ATL2: variants seen among roughly 807,000 people sequenced by gnomAD.
The protein encoded by ATL2 is atlastin GTPase 2.
A neutral mutation model predicts 73.9 loss-of-function variants in ATL2; 31 were observed. The ratio of observed to expected loss-of-function variants is 0.42; its 90% CI spans 0.32 to 0.57. ATL2 has a LOEUF of 0.57. Among genes scored for constraint, ATL2 ranks in the 20% least tolerant of loss-of-function variants. The pLI is 0.14. For synonymous variants in ATL2, 291 were observed against 237.5 expected, an observed-to-expected ratio of 1.23 and a Z score of -2.07; for missense variants, 738 against 702.6, an observed-to-expected ratio of 1.05 and a Z score of -0.57.
chr2:38,376,074 T>C (rs1431280513), intron 1 of ATL2: 2 of 1,414,334 alleles, frequency 1.4e-6, no homozygotes, highest in East Asian at 5.1e-5. Flanking sequence ...CACGAGCTCG[T>C]ATCTGTATTT....
chr2:38,360,801 C>A (rs1485500114), intron 1 of ATL2, among the ~76,000 whole-genome samples: 1 of 151,960 alleles, frequency 6.6e-6, no homozygotes, highest in Non-Finnish European at 1.5e-5. Flanking sequence ...AATGAGAGTA[C>A]ACAATATTGA....
chr2:38,333,222 G>C (rs774967721), intron 2 of ATL2, among the ~76,000 whole-genome samples: 1 of 152,014 alleles, frequency 6.6e-6, no homozygotes, highest in Non-Finnish European at 1.5e-5. Flanking sequence ...CCAGGAGTTT[G>C]AGGCTTCAGT....
chr2:38,334,646 C>G (rs994435638), intron 2 of ATL2, among the ~76,000 whole-genome samples: 11 of 151,102 alleles, frequency 7.3e-5, no homozygotes, highest in Non-Finnish European at 1.0e-4. Flanking sequence ...TGCGGTGAGC[C>G]AAGATCGCGC....
At chr2:38,354,827 T>A (rs1466766577) in intron 1 of ATL2, among the ~76,000 whole-genome samples, 1 of 151,558 alleles carries the variant, frequency 6.6e-6, no homozygotes. Context: ...GAGGCGGAGG[T>A]TGCAGTGAGC....
chr2:38,300,971 C>CTTTTTTTTTTTT (rs1325860466), intron 9 of ATL2, among the ~76,000 whole-genome samples: 1 of 143,832 alleles, frequency 7.0e-6, no homozygotes, highest in African/African-American at 2.9e-5. Flanking sequence ...TTCATCTCAA[C>CTTTTTTTTTTTT]TTTCTTTTTT....
Position 38,294,649 on chromosome 2 carries a change from AAAAAG to A in ATL2, c.*1340_*1344del, listed in dbSNP as rs1003637742. Among the ~76,000 whole-genome samples the A allele has an allele frequency of 1.3e-5, 2 of 152,142 alleles. No homozygotes were observed. The highest frequency in any genetic ancestry group is 2.4e-5 in the African/African-American group (1 of 41,490). On this transcript the variant is annotated 3_prime_UTR_variant, in exon 13 of 13. Transcript: ENST00000378954. ...GCCTTACATATACCACCAAAAAAAA[AAAAAG>A]AGAGAGAAAGAAATTAACAATCCCC...
intron 9 of ATL2, among the ~76,000 whole-genome samples, chr2:38,302,883 T>A (rs753729846): frequency 2.0e-5 from 3 of 152,090 alleles, no homozygotes; most frequent in Non-Finnish European, 4.4e-5. Flanking sequence ...GCAAAGACTA[T>A]AACAAATACC....
chr2:38,307,421 C>G (rs1178672287), intron 9 of ATL2, among the ~76,000 whole-genome samples: 2 of 149,274 alleles, frequency 1.3e-5, no homozygotes, highest in African/African-American at 5.0e-5. Context: ...ATTGCTTGAA[C>G]CTGGGAGGCG....
In ATL2 at chr2:38,339,306, C is replaced by T. The variant is rs75072764; in HGVS notation, c.363+3962G>A. Among the ~76,000 whole-genome samples, 1,053 of 152,130 alleles carry T rather than the reference C, an allele frequency of 6.9e-3. 13 individuals carry two copies. Among genetic ancestry groups the T allele is most frequent in the East Asian group, 0.058 (302 of 5,178 alleles). ...AGACATGACAGCTAAATCTAGGAAT[C>T]GTATTCTGTATTAGAGATCCTGGAA... On this transcript the variant is annotated intron_variant, in intron 2 of 12. Transcript: ENST00000378954.
intron 2 of ATL2, among the ~76,000 whole-genome samples, chr2:38,341,076 A>C (rs1178675531): frequency 6.6e-6 from 1 of 152,160 alleles, no homozygotes; most frequent in Admixed American, 6.6e-5. Context: ...CCTGAGGTGA[A>C]ACTTATCTGT....
intron 1 of ATL2, among the ~76,000 whole-genome samples, chr2:38,360,342 G>A (rs1240636745): frequency 1.3e-5 from 2 of 151,144 alleles, no homozygotes; most frequent in East Asian, 1.9e-4. Context: ...CTGCAGTACA[G>A]TGGCACAATC....
At chr2:38,315,768 G>C (rs1389732786) in intron 4 of ATL2, among the ~76,000 whole-genome samples, 1 of 152,160 alleles carries the variant, frequency 6.6e-6, no homozygotes, top group East Asian at 1.9e-4. Flanking sequence ...GGTACAATCA[G>C]AGTATACAGT....
chr2:38,364,315 C>T (rs1391394397), intron 1 of ATL2, among the ~76,000 whole-genome samples: 1 of 152,124 alleles, frequency 6.6e-6, no homozygotes, highest in Non-Finnish European at 1.5e-5. Context: ...GAATGTTGGA[C>T]ATCAACCCTG....
intron 1 of ATL2, chr2:38,376,332 C>A: frequency 9.1e-7 from 1 of 1,094,678 alleles, no homozygotes; most frequent in Non-Finnish European, 1.2e-6. Context: ...GCTCCTGGTA[C>A]ACGTACAGTA....
intron 2 of ATL2, among the ~76,000 whole-genome samples, chr2:38,336,344 A>G (rs1056076892): frequency 6.6e-6 from 1 of 152,230 alleles, no homozygotes; most frequent in Non-Finnish European, 1.5e-5. Flanking sequence ...TAAATAGCAA[A>G]GAATAAAAAC....
At chr2:38,341,171 TA>T (rs1303561630) in intron 2 of ATL2, among the ~76,000 whole-genome samples, 1 of 152,194 alleles carries the variant, frequency 6.6e-6, no homozygotes, top group African/African-American at 2.4e-5. Context: ...ACATTTGCAC[TA>T]AACAGCTTAG....
At chr2:38,309,267 A>T (rs1256092071) in intron 9 of ATL2, 112 bp downstream of exon 9, 1 of 1,055,076 alleles carries the variant, frequency 9.5e-7, no homozygotes, top group African/African-American at 1.6e-5. Flanking sequence ...TAAATCACAA[A>T]TCTTACTCTT....
At chr2:38,335,674 C>T (rs1404249923) in intron 2 of ATL2, among the ~76,000 whole-genome samples, 4 of 151,370 alleles carry the variant, frequency 2.6e-5, no homozygotes, top group Admixed American at 1.3e-4. Flanking sequence ...GTTACTATAA[C>T]ATATATATAT....
At chr2:38,367,965 C>T (rs540303490) in intron 1 of ATL2, among the ~76,000 whole-genome samples, 3 of 147,720 alleles carry the variant, frequency 2.0e-5, no homozygotes, top group African/African-American at 5.0e-5. Flanking sequence ...TGAGGAGTCT[C>T]GCTCTCTCTC....
Sources: allele counts gnomAD v4.1 joint callset (sites outside exome capture counted in the v4.1 genomes callset), GRCh38; gene constraint gnomAD v4.1.1; transcripts MANE v1.5; gene names NCBI Gene and HGNC (gene_info 2026-07-23, HGNC 2026-07-21).